Variants in OSBPL1A observed in about 807,000 individuals in gnomAD.
OSBPL1A encodes oxysterol-binding protein-related protein 1.
A neutral mutation model predicts 137.1 loss-of-function variants in OSBPL1A; 80 were observed. The ratio of observed to expected loss-of-function variants is 0.58; its 90% confidence interval spans 0.49 to 0.70. The LOEUF (loss-of-function observed/expected upper bound fraction) is 0.70. Among genes scored for constraint, OSBPL1A ranks in the 30% least tolerant of loss-of-function variants. The pLI is 0.00. For synonymous variants in OSBPL1A, 365 were observed against 389.7 expected (o/e 0.94, Z 0.75); for missense variants, 970 against 1,129.4 (o/e 0.86, Z 2.02).
intron 17 of OSBPL1A, among the ~76,000 whole-genome samples, chr18:24,201,583 T>G (rs1321301375): frequency 2.0e-5 from 3 of 152,018 alleles, no homozygotes; most frequent in East Asian, 1.9e-4. Flanking sequence ...GCCAACATGG[T>G]GAAACCCCGT....
intron 15 of OSBPL1A, among the ~76,000 whole-genome samples, chr18:24,255,326 G>A (rs1173983622): frequency 6.6e-6 from 1 of 152,092 alleles, no homozygotes; most frequent in African/African-American, 2.4e-5. Context: ...AATAGAGAAG[G>A]GAATACTTCC....
chr18:24,318,753 T>C lies in OSBPL1A; in HGVS notation c.682A>G (p.Asn228Asp). Residue 228 changes from asparagine to aspartate, a missense_variant, in exon 8 of 28, where the codon AAT becomes GAT. Physicochemically the swap from Asn to Asp is conservative, Grantham distance 23. This residue lies in a region of OSBPL1A where 647 missense variants were observed against 672.6 expected (regional missense o/e 0.96). Transcript: ENST00000319481. ...GAEMKHILVG[N>D]KVIYKALKRY... The stretch of plus-strand genomic sequence containing the variant: ...TTTAATTCATTACTCTGTACCTTAT[T>C]ACCAACAAGAATGTGTTTCATTTCA... 6.2e-7 allele frequency: 1 copy of C among 1,612,630 alleles called. No individual in the cohort carries two copies. Among genetic ancestry groups the C allele is most frequent in the Non-Finnish European group, 8.5e-7 (1 of 1,179,520 alleles).
At chr18:24,382,788 A>T (rs970950635) in intron 1 of OSBPL1A, among the ~76,000 whole-genome samples, 44 of 152,172 alleles carry the variant, frequency 2.9e-4, no homozygotes, top group East Asian at 5.8e-4. Context: ...AGGTGGAAGG[A>T]TCACCTGAGC....
intron 2 of OSBPL1A, among the ~76,000 whole-genome samples, chr18:24,377,003 C>T (rs553347917): frequency 6.6e-6 from 1 of 152,358 alleles, no homozygotes; most frequent in Non-Finnish European, 1.5e-5. Flanking sequence ...GGAGCCGGCT[C>T]CAGCCTTGGC....
At chr18:24,290,764 T>C (rs954868205) in intron 14 of OSBPL1A, among the ~76,000 whole-genome samples, 12 of 152,074 alleles carry the variant, frequency 7.9e-5, no homozygotes, top group African/African-American at 2.9e-4. Context: ...GCTACATGAA[T>C]GGAGGTATGT....
intron 16 of OSBPL1A, among the ~76,000 whole-genome samples, chr18:24,237,049 G>A (rs2088503177): frequency 6.6e-6 from 1 of 151,726 alleles, no homozygotes; most frequent in African/African-American, 2.4e-5. Context: ...GAAAAAGCAA[G>A]TCCAGGGCAA....
chr18:24,248,724 G>A (rs757513361), intron 15 of OSBPL1A, among the ~76,000 whole-genome samples: 1 of 152,176 alleles, frequency 6.6e-6, no homozygotes, highest in African/African-American at 2.4e-5. Context: ...CTAGGACAGA[G>A]CCCCTAAATA....
intron 14 of OSBPL1A, among the ~76,000 whole-genome samples, chr18:24,289,583 CTAA>C (rs1291044466): frequency 6.6e-6 from 1 of 151,992 alleles, no homozygotes; most frequent in Non-Finnish European, 1.5e-5. Flanking sequence ...CAACATTCGG[CTAA>C]TTTTTGTATT....
intron 1 of OSBPL1A, among the ~76,000 whole-genome samples, chr18:24,380,715 A>G (rs1906515394): frequency 6.6e-6 from 1 of 152,150 alleles, no homozygotes; most frequent in Admixed American, 6.5e-5. Flanking sequence ...ACTTTGGGAG[A>G]CTGAGGCGGG....
intron 11 of OSBPL1A, among the ~76,000 whole-genome samples, chr18:24,314,596 C>T (rs937135568): frequency 6.6e-6 from 1 of 152,102 alleles, no homozygotes; most frequent in Admixed American, 6.5e-5. Context: ...TCAGGTTTGT[C>T]GTTTTATTTT....
intron 14 of OSBPL1A, among the ~76,000 whole-genome samples, chr18:24,301,639 C>G (rs1039657526): frequency 2.0e-5 from 3 of 152,058 alleles, no homozygotes; most frequent in East Asian, 1.9e-4. Flanking sequence ...TGAATTATAC[C>G]AAATATGACA....
intron 2 of OSBPL1A, among the ~76,000 whole-genome samples, chr18:24,371,687 A>G (rs1905650592): frequency 6.6e-6 from 1 of 150,862 alleles, no homozygotes; most frequent in Non-Finnish European, 1.5e-5. Context: ...TCCCCATTCT[A>G]CTCTTCACTG....
intron 7 of OSBPL1A, among the ~76,000 whole-genome samples, chr18:24,323,084 C>T (rs1186861286): frequency 1.3e-5 from 2 of 152,052 alleles, no homozygotes; most frequent in East Asian, 1.9e-4. Flanking sequence ...ATTTTAAATG[C>T]CTTCTGGAAG....
rs189491705 is a variant in OSBPL1A at position 24,272,352 on chromosome 18, T to C, written c.1281+8490A>G. ...GCCTGTCACTTACTCCGGCTCACGC[T>C]GAAGCGTTCGCGTTTACGGTTCCAA... On this transcript the variant is annotated intron_variant, in intron 15 of 27. Coordinates refer to ENST00000319481, the MANE Select transcript of OSBPL1A (RefSeq NM_080597.4). 2.2e-4 allele frequency: 202 copies of C among 920,950 alleles called. 1 individual carries two copies. The African/African-American group carries it at 3.4e-3, about 15-fold the overall frequency. The allele number at this position is 920,950 out of a possible 1,614,324, so 57.0% of individuals were successfully genotyped here.
At chr18:24,376,040 T>C (rs566321465) in intron 2 of OSBPL1A, among the ~76,000 whole-genome samples, 2 of 152,296 alleles carry the variant, frequency 1.3e-5, no homozygotes, top group South Asian at 2.1e-4. Context: ...AAAAGCAGTG[T>C]GGACCCAAAG....
intron 4 of OSBPL1A, among the ~76,000 whole-genome samples, chr18:24,347,342 C>T (rs2091362817): frequency 6.6e-6 from 1 of 151,984 alleles, no homozygotes; most frequent in Non-Finnish European, 1.5e-5. Context: ...CGCCACCACG[C>T]CCAGTTAATT....
chr18:24,175,104 G>GTATATATATATATA (rs775433072), intron 21 of OSBPL1A, among the ~76,000 whole-genome samples: 543 of 42,548 alleles, frequency 0.013, 16 homozygotes, highest in East Asian at 0.04. Context: ...TTTGCCATGT[G>GTATATATATATATA]TATGTATATA....
At chr18:24,205,985 G>A (rs2087362546) in intron 17 of OSBPL1A, among the ~76,000 whole-genome samples, 1 of 152,144 alleles carries the variant, frequency 6.6e-6, no homozygotes, top group South Asian at 2.1e-4. Flanking sequence ...CCGCCTCTGG[G>A]GTTCAAGTGA....
At position 24,183,441 on chromosome 18, in the gene OSBPL1A, T is replaced by C. The variant is rs185073208; in HGVS notation, c.1678-2162A>G. Among the ~76,000 whole-genome samples, 6 of 151,664 alleles carry C rather than the reference T, an allele frequency of 4.0e-5. No homozygotes were observed. In the East Asian group the frequency reaches 1.2e-3, roughly 29 times the overall value. On this transcript the variant is annotated intron_variant, in intron 18 of 27. Coordinates refer to ENST00000319481, the MANE Select transcript of OSBPL1A (RefSeq NM_080597.4). ...GATTTTTCTTTTTCTTTTTCTTTTTTTTTTTTTTGAGGCGGAGTTTTGCTC... is the reference window on the plus strand; with the variant it reads ...GATTTTTCTTTTTCTTTTTCTTTTTCTTTTTTTTGAGGCGGAGTTTTGCTC...
Sources: gnomAD v4.1 joint callset for allele counts (sites outside exome capture counted in the v4.1 genomes callset) on GRCh38, gnomAD v4.1.1 for gene constraint, gnomAD v4.1.1 regional missense constraint, MANE v1.5 for transcripts, NCBI Gene and HGNC (gene_info 2026-07-23, HGNC 2026-07-21) for gene names.